The following CC2D1A variants were observed in gnomAD, a reference collection of about 807,000 sequenced individuals.
CC2D1A encodes coiled-coil and C2 domain containing 1A.
In CC2D1A, 68 loss-of-function variants were observed where a neutral mutation model predicts 123.8. The ratio of observed to expected loss-of-function variants is 0.55; its 90% CI spans 0.45 to 0.67. CC2D1A has a LOEUF of 0.67. CC2D1A is among the 30% of genes least tolerant of loss of function. CC2D1A has a pLI of 0.00. For synonymous variants in CC2D1A, 477 were observed against 528.0 expected, an observed-to-expected ratio of 0.90 and a Z score of 1.32; for missense variants, 1,185 against 1,290.3, an observed-to-expected ratio of 0.92 and a Z score of 1.25.
At chr19:13,913,146 C>A in intron 4 of CC2D1A, 22 bp from the exon 5 acceptor site, 2 of 1,586,392 alleles carry the variant, frequency 1.3e-6, no homozygotes, top group Non-Finnish European at 1.7e-6. Context: ...ACCACCCACA[C>A]TGTGCCCCTG....
Position 13,919,907 on chromosome 19 carries a change from C to A in CC2D1A, c.1312C>A (p.Gln438Lys). ...VLETAMKLANQDEGPEDEEDE... is the reference protein window; with the variant it reads ...VLETAMKLANKDEGPEDEEDE... ...GGAGACTGCCATGAAGCTGGCCAACCAGGATGAAGGCCCAGAGGATGAAGA... is the reference window on the plus strand; with the variant it reads ...GGAGACTGCCATGAAGCTGGCCAACAAGGATGAAGGCCCAGAGGATGAAGA... Residue 438 changes from glutamine to lysine, a missense_variant, in exon 12 of 29, where the codon CAG (glutamine) becomes AAG (lysine). Transcript: ENST00000318003. 6.2e-7 allele frequency: 1 copy of A among 1,613,290 alleles called. No individual in the cohort carries two copies. The highest frequency in any genetic ancestry group is 8.5e-7 in the Non-Finnish European group (1 of 1,179,846).
chr19:13,926,581 A>G lies in CC2D1A; in HGVS notation c.2005A>G (p.Thr669Ala), dbSNP rs1971648590. 6.2e-7 allele frequency: 1 copy of G among 1,614,010 alleles called. No homozygotes were observed. Among genetic ancestry groups the G allele is most frequent in the African/African-American group, 1.3e-5 (1 of 74,922 alleles). ...LFIVKGINLP[T>A]PPGLSPGDLD... ...CATCGTGAAGGGCATCAACTTGCCC[A>G]CACCCCCAGGTGAGGGGGCTGTAGG... Residue 669 changes from threonine to alanine, a missense_variant, in exon 18 of 29, where the codon ACA (threonine) becomes GCA (alanine). Coordinates refer to ENST00000318003, the MANE Select transcript of CC2D1A (RefSeq NM_017721.5).
chr19:13,912,442 A>G lies in CC2D1A; in HGVS notation c.312+4A>G. On this transcript the variant is annotated splice_donor_region_variant and intron_variant, in intron 3 of 28. Coordinates refer to ENST00000318003, the MANE Select transcript of CC2D1A (RefSeq NM_017721.5). ...GGAGGCTGATGATGACCTGCTGGTG[A>G]GCACTGAGGGCGGGGTGGGGGCTCT... 6.2e-7 allele frequency: 1 copy of G among 1,613,824 alleles called. No homozygotes were observed. The highest frequency in any genetic ancestry group is 8.5e-7 in the Non-Finnish European group (1 of 1,179,914).
chr19:13,920,274 A>G, intron 12 of CC2D1A: 2 of 496,596 alleles, frequency 4.0e-6, no homozygotes, highest in Non-Finnish European at 3.5e-6. Context: ...AAAAAAAAAA[A>G]GTGTTTGGTG....
Position 13,906,415 on chromosome 19 carries a change from A to C in CC2D1A, c.-27A>C. 1 of 1,505,940 alleles carries C rather than the reference A, an allele frequency of 6.6e-7. No individual in the cohort carries two copies. The highest frequency in any genetic ancestry group is 8.9e-7 in the Non-Finnish European group (1 of 1,128,860). 93.3% of individuals were successfully genotyped at this position (1,505,940 alleles called of 1,614,324 possible). On this transcript the variant is annotated 5_prime_UTR_variant, in exon 1 of 29. Coordinates refer to ENST00000318003, the MANE Select transcript of CC2D1A (RefSeq NM_017721.5). This position sits in a 1 kb window ranked among gnomAD's most constrained non-coding sequence, Gnocchi z 4.1. ...GCAGGGCAAGGCCGGGCTTGGGGGC[A>C]GGTGGTCCGGGCATCCAGCCTTGAA...
intron 6 of CC2D1A, 79 bp from the exon 7 acceptor site, chr19:13,917,991 A>T: frequency 6.8e-7 from 1 of 1,465,752 alleles, no homozygotes. Context: ...AAAAAATTAA[A>T]TAAATAAATA....
At chr19:13,919,771 G>A (rs764879274) in intron 11 of CC2D1A, 47 bp from the exon 12 acceptor site, 34 of 1,540,042 alleles carry the variant, frequency 2.2e-5, no homozygotes, top group Middle Eastern at 2.4e-4. Flanking sequence ...GGTGTGAGTT[G>A]GTCTCCATCC....
intron 14 of CC2D1A, among the ~76,000 whole-genome samples, chr19:13,922,298 G>A (rs1369258163): frequency 1.3e-5 from 2 of 152,118 alleles, no homozygotes; most frequent in Admixed American, 6.6e-5. Flanking sequence ...CACTGTGCCC[G>A]GCCTGCCCCT....
At position 13,913,386 on chromosome 19, in the gene CC2D1A, A is replaced by T; in HGVS notation, c.514-18A>T. 6.2e-7 allele frequency: 1 copy of T among 1,612,394 alleles called. No homozygotes were observed. ...AGCTCTTGGCTTCTCCCAAACCAAT[A>T]CTCACGCCTTATCTTAGACACTGGA... On this transcript the variant is annotated intron_variant, in intron 5 of 28. Transcript: ENST00000318003.
In CC2D1A at chr19:13,919,836, G is replaced by A. The variant is rs775942694; in HGVS notation, c.1241G>A (p.Gly414Asp). The A allele has an allele frequency of 1.6e-5, 26 of 1,608,162 alleles. No homozygotes were observed. Among genetic ancestry groups the A allele is most frequent in the Non-Finnish European group, 2.1e-5 (25 of 1,176,600 alleles). The part of the protein sequence containing the change: ...PVPPGFPPIQ[G>D]LEATKPTQQS... ...CACCCAGGCTTCCCCCCAATCCAGG[G>A]CCTGGAGGCCACCAAGCCCACCCAG... is the stretch of plus-strand genomic sequence containing the variant. Residue 414 changes from glycine (G) to aspartate (D), a missense_variant, in exon 12 of 29, where the codon GGC (glycine) becomes GAC (aspartate). Gly to Asp is a moderately conservative substitution (Grantham distance 94). Coordinates refer to ENST00000318003, the MANE Select transcript of CC2D1A (RefSeq NM_017721.5).
At chr19:13,924,224 G>A (rs1022280348) in intron 17 of CC2D1A, among the ~76,000 whole-genome samples, 1 of 149,938 alleles carries the variant, frequency 6.7e-6, no homozygotes, top group Non-Finnish European at 1.5e-5. Context: ...AGGCTGGAGT[G>A]CAGGGGTGTG....
Position 13,930,304 on chromosome 19 carries a change from A to G in CC2D1A, c.2835+15A>G, listed in dbSNP as rs749135041. The G allele has an allele frequency of 1.5e-5, 25 of 1,613,856 alleles. No homozygotes were observed. The South Asian group carries it at 2.0e-4, about 13-fold the overall frequency. ...TAGAGAGTGAGGTAAGCAGCTTAGGAGATGGGGTGGTTGGGGGATCACTGT... is the reference window on the plus strand; with the variant it reads ...TAGAGAGTGAGGTAAGCAGCTTAGGGGATGGGGTGGTTGGGGGATCACTGT... On this transcript the variant is annotated intron_variant, in intron 28 of 28. Coordinates refer to ENST00000318003, the MANE Select transcript of CC2D1A (RefSeq NM_017721.5). The surrounding 1 kb of genome is among the most constrained non-coding windows in gnomAD (Gnocchi z 6.8).
At chr19:13,907,629 G>A (rs969893186) in intron 1 of CC2D1A, among the ~76,000 whole-genome samples, 7 of 151,858 alleles carry the variant, frequency 4.6e-5, no homozygotes, top group African/African-American at 1.5e-4. Flanking sequence ...CTGAGATCGC[G>A]CCACTGCATT....
intron 6 of CC2D1A, 93 bp from the exon 7 acceptor site, chr19:13,917,976 GA>G (rs1038946251): frequency 5.2e-4 from 692 of 1,322,224 alleles, no homozygotes; most frequent in South Asian, 8.2e-4. Flanking sequence ...GTCTGAAAAA[GA>G]AAAAAAAAAT....
At chr19:13,921,367 G>T (rs1971406138) in intron 14 of CC2D1A, among the ~76,000 whole-genome samples, 1 of 151,380 alleles carries the variant, frequency 6.6e-6, no homozygotes, top group South Asian at 2.1e-4. Flanking sequence ...TTGGTGCACT[G>T]TGTGACCAGC....
chr19:13,924,042 G>A (rs1971506675), intron 17 of CC2D1A, among the ~76,000 whole-genome samples: 1 of 151,996 alleles, frequency 6.6e-6, no homozygotes, highest in South Asian at 2.1e-4. Context: ...GAGTGCAAAG[G>A]TGTATCTTGT....
At chr19:13,925,933 AATATATAT>A (rs1210738190) in intron 17 of CC2D1A, among the ~76,000 whole-genome samples, 4 of 91,044 alleles carry the variant, frequency 4.4e-5, no homozygotes, top group Admixed American at 3.9e-4. Context: ...AAAAAAAAAA[AATATATAT>A]ATATATATAT....
chr19:13,917,016 G>A (rs1971229763), intron 6 of CC2D1A, among the ~76,000 whole-genome samples: 1 of 152,146 alleles, frequency 6.6e-6, no homozygotes, highest in Admixed American at 6.6e-5. Context: ...CAAACACACT[G>A]CATAAATATA....
chr19:13,926,015 C>CGT, intron 17 of CC2D1A, among the ~76,000 whole-genome samples: 1 of 83,966 alleles, frequency 1.2e-5, no homozygotes, highest in South Asian at 3.5e-4. Context: ...TATATATATA[C>CGT]GTATATATAT....
Sources: allele counts gnomAD v4.1 joint callset (sites outside exome capture counted in the v4.1 genomes callset), GRCh38; gene constraint gnomAD v4.1.1; non-coding constraint Gnocchi (gnomAD v3.1); transcripts MANE v1.5; gene names NCBI Gene and HGNC (gene_info 2026-07-23, HGNC 2026-07-21).